The following SLC25A26 variants were observed in gnomAD, a reference collection of about 807,000 sequenced individuals.
SLC25A26 encodes the protein solute carrier family 25 member 26.
A neutral mutation model predicts 37.8 loss-of-function variants in SLC25A26; 36 were observed. That is an observed-to-expected ratio of 0.95 (90% CI 0.73 to 1.26). SLC25A26 has a LOEUF of 1.26. Ranked by LOEUF, SLC25A26 falls within the 50% of genes most tolerant of loss-of-function variation. The pLI is 0.00. For missense variants in SLC25A26, 390 were observed against 331.1 expected, an observed-to-expected ratio of 1.18 and a Z score of -1.38; for synonymous variants, 129 against 122.5, an observed-to-expected ratio of 1.05 and a Z score of -0.35.
intron 1 of SLC25A26, among the ~76,000 whole-genome samples, chr3:66,182,053 T>C (rs1408941305): frequency 6.6e-6 from 1 of 152,184 alleles, no homozygotes; most frequent in Non-Finnish European, 1.5e-5. Flanking sequence ...AATAGAGCCT[T>C]GACAGCACTC....
chr3:66,243,532 A>C (rs2072685868), intron 3 of SLC25A26, among the ~76,000 whole-genome samples: 1 of 152,230 alleles, frequency 6.6e-6, no homozygotes, highest in Non-Finnish European at 1.5e-5. Context: ...GCTATGTGTA[A>C]TTTACAAGAG....
chr3:66,209,268 A>ATATATAATATATAGC lies in SLC25A26; in HGVS notation c.-353-11469_-353-11468insAATATATAGCTATAT, dbSNP rs2071238418. 6.4e-5 allele frequency among the ~76,000 whole-genome samples: 9 copies of ATATATAATATATAGC among 140,016 alleles called. No homozygotes were observed. The South Asian group carries it at 2.1e-3, about 33-fold the overall frequency. The allele number at this position is 140,016 out of a possible 152,430, so 91.9% of individuals were successfully genotyped here. A position where few individuals can be genotyped will look rare whatever the true frequency, so the allele number is the denominator to read the frequency against. ...TATAAAGGTGTATATATATGTGTGT[A>ATATATAATATATAGC]TATATGTATGTATATATAATATATA... On this transcript the variant is annotated intron_variant, in intron 1 of 10. Transcript: ENST00000676754.
At chr3:66,281,650 A>G (rs910538380) in intron 5 of SLC25A26, among the ~76,000 whole-genome samples, 2 of 152,070 alleles carry the variant, frequency 1.3e-5, no homozygotes, top group Non-Finnish European at 1.5e-5. Context: ...GGATTTTACT[A>G]TATTCATAAG....
intron 5 of SLC25A26, among the ~76,000 whole-genome samples, chr3:66,311,703 G>A (rs533192532): frequency 6.6e-6 from 1 of 152,164 alleles, no homozygotes; most frequent in Non-Finnish European, 1.5e-5. Flanking sequence ...TTTTGTTGAT[G>A]TTATTGCTTT....
chr3:66,144,964 A>C (rs2070093996), intron 1 of SLC25A26, among the ~76,000 whole-genome samples: 1 of 152,210 alleles, frequency 6.6e-6, no homozygotes, highest in African/African-American at 2.4e-5. Flanking sequence ...CACGCCAAAG[A>C]AGTAAGGTTT....
At position 66,243,303 on chromosome 3, in the gene SLC25A26, T is replaced by A; in HGVS notation, c.291T>A (p.Ala97=). The A allele has an allele frequency of 6.3e-7, 1 of 1,587,238 alleles. No individual in the cohort carries two copies. The highest frequency in any genetic ancestry group is 8.6e-7 in the Non-Finnish European group (1 of 1,159,292). Residue 97 remains alanine, a synonymous_variant, in exon 3 of 10, where the codon GCT becomes GCA. Coordinates refer to ENST00000354883, the MANE Select transcript of SLC25A26 (RefSeq NM_001379210.1). ...TGAAACATATGTTGGCTGCCTCTGC[T>A]GGAGAAGTGGTAAGTAACAAGTTTT... ...TPMKHMLAAS[A]GEVVACLIRV...
intron 1 of SLC25A26, among the ~76,000 whole-genome samples, chr3:66,229,468 C>A (rs191149951): frequency 7.2e-5 from 11 of 152,276 alleles, no homozygotes; most frequent in Admixed American, 2.0e-4. Context: ...TGCTGTTCTC[C>A]TGATGGTGAG....
chr3:66,375,106 T>C (rs1276809426), intron 9 of SLC25A26, among the ~76,000 whole-genome samples: 1 of 152,164 alleles, frequency 6.6e-6, no homozygotes, highest in Non-Finnish European at 1.5e-5. Flanking sequence ...TTGGTCTGGA[T>C]AGAAGATCAG....
intron 5 of SLC25A26, among the ~76,000 whole-genome samples, chr3:66,305,060 A>C (rs1387482986): frequency 1.3e-5 from 2 of 152,124 alleles, no homozygotes; most frequent in Non-Finnish European, 2.9e-5. Context: ...GAATTTTTAC[A>C]CTTAGAGCTG....
intron 1 of SLC25A26, among the ~76,000 whole-genome samples, chr3:66,160,828 G>A (rs140978069): frequency 0.028 from 4,285 of 152,128 alleles, 163 homozygotes; most frequent in African/African-American, 0.093. Context: ...CCAGCTACTC[G>A]AGAGGCTGAG....
intron 1 of SLC25A26, among the ~76,000 whole-genome samples, chr3:66,197,858 G>A (rs1270758142): frequency 3.9e-5 from 6 of 152,050 alleles, no homozygotes; most frequent in Non-Finnish European, 7.4e-5. Context: ...TAAAATTCAG[G>A]GAGAAAATCA....
At chr3:66,281,432 T>C (rs1468594308) in intron 5 of SLC25A26, among the ~76,000 whole-genome samples, 1 of 152,222 alleles carries the variant, frequency 6.6e-6, no homozygotes, top group Non-Finnish European at 1.5e-5. Context: ...ATTTGTTACA[T>C]TGGTGATTGC....
At chr3:66,311,544 G>T (rs1019089099) in intron 5 of SLC25A26, among the ~76,000 whole-genome samples, 1 of 152,032 alleles carries the variant, frequency 6.6e-6, no homozygotes, top group African/African-American at 2.4e-5. Context: ...CTGGTGAGGA[G>T]TTGTGATCGT....
intron 5 of SLC25A26, among the ~76,000 whole-genome samples, chr3:66,344,960 A>G (rs988156054): frequency 6.6e-6 from 1 of 152,190 alleles, no homozygotes; most frequent in African/African-American, 2.4e-5. Context: ...CTCATCAACT[A>G]TAAAATGAAG....
At chr3:66,358,595 G>C (rs1047379181) in intron 6 of SLC25A26, among the ~76,000 whole-genome samples, 4 of 152,180 alleles carry the variant, frequency 2.6e-5, no homozygotes, top group African/African-American at 9.7e-5. Context: ...GTCCCATCCA[G>C]ATCCCAGCTT....
At chr3:66,250,716 G>C (rs911717840) in intron 3 of SLC25A26, among the ~76,000 whole-genome samples, 41 of 152,318 alleles carry the variant, frequency 2.7e-4, no homozygotes, top group African/African-American at 9.6e-4. Flanking sequence ...GGTAGAGTGA[G>C]AGACTGAAGG....
chr3:66,294,425 T>C (rs920490435), intron 5 of SLC25A26, among the ~76,000 whole-genome samples: 1 of 152,286 alleles, frequency 6.6e-6, no homozygotes, highest in African/African-American at 2.4e-5. Context: ...GGGCCGGGAC[T>C]ATGGGGTTTT....
intron 7 of SLC25A26, among the ~76,000 whole-genome samples, chr3:66,365,658 C>T (rs990293786): frequency 6.6e-6 from 1 of 152,164 alleles, no homozygotes; most frequent in African/African-American, 2.4e-5. Context: ...GCGATCTCTC[C>T]ATGGGTTTGA....
intron 1 of SLC25A26, among the ~76,000 whole-genome samples, chr3:66,151,617 G>C (rs1016683712): frequency 6.6e-6 from 1 of 152,132 alleles, no homozygotes; most frequent in Non-Finnish European, 1.5e-5. Flanking sequence ...AGCTCACTGG[G>C]TTAATCCTGC....
Sources: allele counts gnomAD v4.1 joint callset (sites outside exome capture counted in the v4.1 genomes callset), GRCh38; gene constraint gnomAD v4.1.1; transcripts MANE v1.5; gene names NCBI Gene and HGNC (gene_info 2026-07-23, HGNC 2026-07-21).